The following NPSR1 variants were observed in gnomAD, a reference collection of about 807,000 sequenced individuals.
NPSR1 encodes the protein neuropeptide S receptor.
NPSR1 carries 48 observed loss-of-function variants against 46.9 expected under a neutral mutation model. The ratio of observed to expected loss-of-function variants is 1.02; its 90% CI spans 0.81 to 1.30. The LOEUF (loss-of-function observed/expected upper bound fraction) is 1.30. NPSR1 is among the 50% of genes most tolerant of loss of function. The probability of loss-of-function intolerance (pLI) is 0.00; values close to 1 mark genes in which losing one functional copy is unlikely to be tolerated. For synonymous variants in NPSR1, 176 were observed against 168.1 expected (o/e 1.05, Z -0.36); for missense variants, 450 against 449.5 (o/e 1.00, Z -0.01).
At chr7:34,767,503 C>G (rs2128731692) in intron 2 of NPSR1, among the ~76,000 whole-genome samples, 1 of 150,516 alleles carries the variant, frequency 6.6e-6, no homozygotes, top group African/African-American at 2.5e-5. Flanking sequence ...GAATCGTAGA[C>G]TTTACACAGC....
intron 2 of NPSR1, among the ~76,000 whole-genome samples, chr7:34,762,957 G>A (rs1230567368): frequency 1.3e-5 from 2 of 152,220 alleles, no homozygotes; most frequent in Non-Finnish European, 2.9e-5. Context: ...AACAGCAACT[G>A]AGAGAAAGCA....
intron 3 of NPSR1, among the ~76,000 whole-genome samples, chr7:34,781,237 G>C (rs1456811063): frequency 6.6e-6 from 1 of 152,080 alleles, no homozygotes; most frequent in Non-Finnish European, 1.5e-5. Context: ...GCAATGAATG[G>C]GGGAATTAAT....
chr7:34,860,531 C>G (rs952140640), intron 8 of NPSR1, among the ~76,000 whole-genome samples: 1 of 151,872 alleles, frequency 6.6e-6, no homozygotes, highest in East Asian at 1.9e-4. Flanking sequence ...TAACTTTATG[C>G]AAATCTTTTT....
At chr7:34,843,511 G>C (rs527571603) in intron 6 of NPSR1, among the ~76,000 whole-genome samples, 1 of 152,172 alleles carries the variant, frequency 6.6e-6, no homozygotes, top group African/African-American at 2.4e-5. Flanking sequence ...ATGAGTTTTC[G>C]CAGGGACATT....
chr7:34,690,506 T>C (rs1407406034), intron 2 of NPSR1, among the ~76,000 whole-genome samples: 1 of 151,760 alleles, frequency 6.6e-6, no homozygotes, highest in East Asian at 1.9e-4. Context: ...AAGAAAACAA[T>C]TCAGGACATG....
chr7:34,774,395 TG>T (rs1273376795), intron 2 of NPSR1, among the ~76,000 whole-genome samples: 2 of 152,208 alleles, frequency 1.3e-5, no homozygotes, highest in Admixed American at 6.5e-5. Context: ...TAGTCCCATA[TG>T]GGTTTGATCC....
intron 8 of NPSR1, among the ~76,000 whole-genome samples, chr7:34,864,131 C>A (rs1008378874): frequency 1.1e-4 from 17 of 151,646 alleles, no homozygotes; most frequent in Non-Finnish European, 2.4e-4. Flanking sequence ...AACAGAAAAC[C>A]AAACACTGCA....
At chr7:34,764,550 A>C (rs1374633404) in intron 2 of NPSR1, among the ~76,000 whole-genome samples, 1 of 152,164 alleles carries the variant, frequency 6.6e-6, no homozygotes, top group Non-Finnish European at 1.5e-5. Flanking sequence ...TGTGCAGGAG[A>C]GTTTAGACCA....
chr7:34,802,587 T>A (rs62462942), intron 3 of NPSR1, among the ~76,000 whole-genome samples: 1 of 150,240 alleles, frequency 6.7e-6, no homozygotes, highest in African/African-American at 2.5e-5. Context: ...AAAGACTAAA[T>A]TGTTAGACCT....
chr7:34,778,164 C>T (rs1267619502), intron 2 of NPSR1, among the ~76,000 whole-genome samples: 2 of 152,092 alleles, frequency 1.3e-5, no homozygotes, highest in African/African-American at 4.8e-5. Context: ...CTACATACCC[C>T]GAAAACTTCT....
At chr7:34,831,542 A>G (rs368283893) in intron 5 of NPSR1, among the ~76,000 whole-genome samples, 213 of 152,272 alleles carry the variant, frequency 1.4e-3, no homozygotes, top group African/African-American at 3.6e-3. Context: ...AACTCTCATG[A>G]GAGCTGCGTA....
intron 2 of NPSR1, among the ~76,000 whole-genome samples, chr7:34,730,825 A>G (rs1583898057): frequency 6.6e-6 from 1 of 152,214 alleles, no homozygotes; most frequent in African/African-American, 2.4e-5. Context: ...CCATGGAGGC[A>G]GGAACCATGT....
chr7:34,718,190 A>G (rs1196208481), intron 2 of NPSR1, among the ~76,000 whole-genome samples: 1 of 152,236 alleles, frequency 6.6e-6, no homozygotes, highest in Non-Finnish European at 1.5e-5. Context: ...GTAAATAACA[A>G]TAATAAAATG....
At chr7:34,699,757 T>G (rs923493919) in intron 2 of NPSR1, among the ~76,000 whole-genome samples, 2 of 152,158 alleles carry the variant, frequency 1.3e-5, no homozygotes, top group African/African-American at 4.8e-5. Context: ...AGGTCATATG[T>G]TCAAATACAG....
chr7:34,674,924 A>G (rs1389559851), intron 1 of NPSR1, among the ~76,000 whole-genome samples: 1 of 152,176 alleles, frequency 6.6e-6, no homozygotes, highest in Non-Finnish European at 1.5e-5. Flanking sequence ...GAAAATGAAG[A>G]TTTGTCTCCC....
Position 34,684,688 on chromosome 7 carries a change from A to G in NPSR1, c.280+4A>G. ...GTGACTCAGCTGGCCATCACAGGTA[A>G]GTAACTATGCAAGTGAGAGGCAGGA... On this transcript the variant is annotated splice_donor_region_variant and intron_variant, in intron 2 of 8. Coordinates refer to ENST00000360581, the MANE Select transcript of NPSR1 (RefSeq NM_207172.2). 6.2e-7 allele frequency: 1 copy of G among 1,608,536 alleles called. No individual in the cohort carries two copies. Among genetic ancestry groups the G allele is most frequent in the Non-Finnish European group, 8.5e-7 (1 of 1,177,476 alleles).
intron 8 of NPSR1, among the ~76,000 whole-genome samples, chr7:34,874,729 T>A (rs13307778): frequency 0.019 from 2,814 of 152,034 alleles, 70 homozygotes; most frequent in African/African-American, 0.06. Context: ...TAATTTAAAG[T>A]GAGCAGAGCC....
chr7:34,710,176 C>G (rs1032212503), intron 2 of NPSR1, among the ~76,000 whole-genome samples: 5 of 152,152 alleles, frequency 3.3e-5, no homozygotes, highest in African/African-American at 4.8e-5. Flanking sequence ...TATCCAAAAC[C>G]CTTCCTACTT....
At chr7:34,709,897 T>C (rs1237402061) in intron 2 of NPSR1, among the ~76,000 whole-genome samples, 1 of 152,170 alleles carries the variant, frequency 6.6e-6, no homozygotes, top group African/African-American at 2.4e-5. Context: ...TATTCTTCTG[T>C]AGCAGGGCTA....
Sources: gnomAD v4.1 joint callset for allele counts (sites outside exome capture counted in the v4.1 genomes callset) on GRCh38, gnomAD v4.1.1 for gene constraint, MANE v1.5 for transcripts, NCBI Gene and HGNC (gene_info 2026-07-23, HGNC 2026-07-21) for gene names.